The following LRRC27 variants were observed in gnomAD, a reference collection of about 807,000 sequenced individuals.
LRRC27 encodes leucine-rich repeat-containing protein 27.
A neutral mutation model predicts 55.0 loss-of-function variants in LRRC27; 57 were observed. That is an observed-to-expected ratio of 1.04 (90% confidence interval 0.84 to 1.29). The LOEUF (loss-of-function observed/expected upper bound fraction) is 1.29. Among genes scored for constraint, LRRC27 ranks in the 50% most tolerant of loss-of-function variants. LRRC27 has a pLI of 0.00. For missense variants in LRRC27, 721 were observed against 651.5 expected, an observed-to-expected ratio of 1.11 and a Z score of -1.16; for synonymous variants, 278 against 251.9, an observed-to-expected ratio of 1.10 and a Z score of -0.98.
intron 6 of LRRC27, chr10:132,350,359 C>T (rs2748386): frequency 0.81 from 123,745 of 152,168 alleles, 50,897 homozygotes; most frequent in African/African-American, 0.94. Context: ...TCCTCCATAC[C>T]CCTCAGGACC....
In LRRC27 at chr10:132,375,236, C is replaced by A. The variant is rs770423164; in HGVS notation, c.1587C>A (p.Tyr529Ter). The change falls in exon 11 of 11, where the codon TAC becomes TAA. Residue 529 changes from tyrosine to a stop codon, truncating the protein, a stop_gained. Transcript: ENST00000368614. LOFTEE classifies it high-confidence loss of function. ...GAGAATCAGGAAATGTTCGCAGATACCAGTGACACCAGGTGGCTGGACTGA... is the reference window on the plus strand; with the variant it reads ...GAGAATCAGGAAATGTTCGCAGATAACAGTGACACCAGGTGGCTGGACTGA... ...KYGESGNVRR[Y>*]Q 3.7e-6 allele frequency: 6 copies of A among 1,611,928 alleles called. No homozygotes were observed. The highest frequency in any genetic ancestry group is 3.3e-5 in the South Asian group (3 of 90,946).
At chr10:132,330,503 G>T (rs1275049771), upstream of LRRC27, 3 of 716,842 alleles carry the variant, frequency 4.2e-6, no homozygotes, top group African/African-American at 3.5e-5. Flanking sequence ...GTAGATAGTT[G>T]GGTATGTACG....
rs2069382778 is a variant in LRRC27, at chr10:132,379,387, C to T, written c.*4145C>T. ...GCGTGGTGTCAGATCCCATCCTGCT[C>T]CTCTCCAGCATTTCCTCTCACCTCC... On this transcript the variant is annotated 3_prime_UTR_variant, in exon 11 of 11. Transcript: ENST00000368614. 6.5e-6 allele frequency: 1 copy of T among 153,136 alleles called. No homozygotes were observed. The highest frequency in any genetic ancestry group is 1.4e-5 in the Non-Finnish European group (1 of 68,992). 9.5% of individuals were successfully genotyped at this position (153,136 alleles called of 1,614,324 possible).
chr10:132,349,035 G>T, intron 6 of LRRC27: 1 of 1,609,260 alleles, frequency 6.2e-7, no homozygotes, highest in Non-Finnish European at 8.5e-7. Context: ...GCGTGGTAGG[G>T]CGTGCGCCTA....
At chr10:132,355,408 C>T (rs533407084) in intron 7 of LRRC27, among the ~76,000 whole-genome samples, 1 of 152,308 alleles carries the variant, frequency 6.6e-6, no homozygotes, top group South Asian at 2.1e-4. Flanking sequence ...CTTCCATAGA[C>T]CTTATGTCGA....
intron 2 of LRRC27, among the ~76,000 whole-genome samples, chr10:132,336,313 G>T (rs894207671): frequency 2.0e-5 from 3 of 152,192 alleles, no homozygotes; most frequent in Non-Finnish European, 4.4e-5. Context: ...TATGTGGGGG[G>T]TGCACACCCA....
chr10:132,355,932 G>C, intron 8 of LRRC27, 46 bp downstream of exon 8: 2 of 1,342,770 alleles, frequency 1.5e-6, no homozygotes, highest in African/African-American at 1.4e-5. Flanking sequence ...CAGTCCCGGG[G>C]GTGGGTGGGT....
rs969439669 is a variant in LRRC27, at chr10:132,351,677, A to G, written c.997A>G (p.Lys333Glu). 4.3e-5 allele frequency: 70 copies of G among 1,613,936 alleles called. No individual in the cohort carries two copies. Among genetic ancestry groups the G allele is most frequent in the Non-Finnish European group, 5.8e-5 (69 of 1,180,010 alleles). Residue 333 changes from lysine to glutamate, a missense_variant, in exon 7 of 11, where the codon AAA becomes GAA. Physicochemically the swap from Lys to Glu is moderately conservative, Grantham distance 56. Transcript: ENST00000368614. ...LSPYQMAIRA[K>E]RLEESRAAAL... ...ACCGTACCAAATGGCGATCCGAGCA[A>G]AAAGACTGGAAGAGAGCCGAGCGGC... is the stretch of plus-strand genomic sequence containing the variant.
chr10:132,344,762 A>G (rs1169778309), intron 5 of LRRC27, 112 bp downstream of exon 5: 9 of 1,196,846 alleles, frequency 7.5e-6, no homozygotes, highest in East Asian at 7.3e-5. Context: ...TACAGGAGCC[A>G]TGGGTCCTCT....
At chr10:132,364,336 A>C in intron 9 of LRRC27, among the ~76,000 whole-genome samples, 3 of 8,604 alleles carry the variant, frequency 3.5e-4, no homozygotes, top group African/African-American at 5.6e-4. Flanking sequence ...CCATGACCAC[A>C]CCCACACTTA....
chr10:132,339,627 T>C (rs559652703), intron 3 of LRRC27, among the ~76,000 whole-genome samples: 1 of 152,336 alleles, frequency 6.6e-6, no homozygotes, highest in African/African-American at 2.4e-5. Context: ...CCTCACGGCC[T>C]CGGGAGGCTT....
At chr10:132,362,558 G>A (rs1174790558) in intron 9 of LRRC27, among the ~76,000 whole-genome samples, 2 of 152,160 alleles carry the variant, frequency 1.3e-5, no homozygotes, top group East Asian at 1.9e-4. Flanking sequence ...GGCCTTGAGG[G>A]GAGGGGAGGG....
At chr10:132,347,523 A>G (rs541677789) in intron 5 of LRRC27, among the ~76,000 whole-genome samples, 2 of 133,326 alleles carry the variant, frequency 1.5e-5, no homozygotes, top group East Asian at 4.8e-4. Flanking sequence ...TGGGGCCTGC[A>G]TGGGAAGGTC....
At chr10:132,370,062 T>C (rs1220100223) in intron 10 of LRRC27, among the ~76,000 whole-genome samples, 1 of 152,160 alleles carries the variant, frequency 6.6e-6, no homozygotes, top group Non-Finnish European at 1.5e-5. Flanking sequence ...GTGCCACAAC[T>C]GGCCCTACGG....
intron 3 of LRRC27, among the ~76,000 whole-genome samples, chr10:132,341,595 C>T (rs2067418175): frequency 6.6e-6 from 1 of 152,126 alleles, no homozygotes; most frequent in African/African-American, 2.4e-5. Flanking sequence ...AAAGTAGATG[C>T]CTTCCCGAAA....
intron 9 of LRRC27, among the ~76,000 whole-genome samples, chr10:132,363,596 C>T (rs915173628): frequency 6.6e-6 from 1 of 152,182 alleles, no homozygotes; most frequent in African/African-American, 2.4e-5. Flanking sequence ...CTCCGGTGCC[C>T]CCGTGCTTTC....
intron 5 of LRRC27, among the ~76,000 whole-genome samples, chr10:132,345,153 A>T (rs1726663550): frequency 6.6e-6 from 1 of 152,172 alleles, no homozygotes; most frequent in Non-Finnish European, 1.5e-5. Flanking sequence ...GATGCTCATG[A>T]TGTGTTCTGG....
Position 132,374,319 on chromosome 10 carries a change from G to A in LRRC27, c.1417-747G>A, listed in dbSNP as rs533347696. Among the ~76,000 whole-genome samples the A allele has an allele frequency of 1.9e-4, 29 of 152,278 alleles. No homozygotes were observed. The South Asian group carries it at 4.3e-3, about 23-fold the overall frequency. ...ACCTGTGCCCCCAGCAAGGCAAGCC[G>A]GGGAGGGAGACGGGAGCCGGGTGGC... is the stretch of plus-strand genomic sequence containing the variant. On this transcript the variant is annotated intron_variant, in intron 10 of 10. Transcript: ENST00000368614. This position sits in a 1 kb window ranked among gnomAD's most constrained non-coding sequence, Gnocchi z 4.4.
At position 132,337,669 on chromosome 10, in the gene LRRC27, G is replaced by T. The variant is rs534535968; in HGVS notation, c.315G>T (p.Ala105=). The T allele has an allele frequency of 4.3e-6, 7 of 1,614,042 alleles. No homozygotes were observed. The highest frequency in any genetic ancestry group is 3.3e-5 in the South Asian group (3 of 91,066). ...WLDLRYNRIK[A]LPSGIGAHQH... is the part of the protein sequence containing the mutation. ...ACCTCCGGTACAATAGAATTAAAGC[G>T]CTTCCTTCTGGGATTGGAGCTCACC... Residue 105 remains alanine, a synonymous_variant, in exon 3 of 11, where the codon GCG becomes GCT. Transcript: ENST00000368614.
Sources: allele counts gnomAD v4.1 joint callset (sites outside exome capture counted in the v4.1 genomes callset), GRCh38; gene constraint gnomAD v4.1.1; non-coding constraint Gnocchi (gnomAD v3.1); transcripts MANE v1.5; gene names NCBI Gene and HGNC (gene_info 2026-07-23, HGNC 2026-07-21).